The following ZBTB40 variants were observed in gnomAD, a reference collection of about 807,000 sequenced individuals.
The protein encoded by ZBTB40 is zinc finger and BTB domain containing 40.
A neutral mutation model predicts 117.5 loss-of-function variants in ZBTB40; 60 were observed. The ratio of observed to expected loss-of-function variants is 0.51; its 90% CI spans 0.41 to 0.63. The LOEUF (loss-of-function observed/expected upper bound fraction) is 0.63, where lower values mean the gene tolerates loss of function less well. Ranked by LOEUF, ZBTB40 falls within the 30% of genes least tolerant of loss-of-function variation. ZBTB40 has a pLI of 0.00. For missense variants in ZBTB40, 1,287 were observed against 1,498.5 expected (o/e 0.86, Z 2.33); for synonymous variants, 525 against 577.1 (o/e 0.91, Z 1.29).
At chr1:22,453,894 G>A (rs1325606717) in intron 1 of ZBTB40, among the ~76,000 whole-genome samples, 1 of 152,144 alleles carries the variant, frequency 6.6e-6, no homozygotes, top group Non-Finnish European at 1.5e-5. Flanking sequence ...GTGTTTGCAG[G>A]TAAATACCAA....
chr1:22,459,099 A>G (rs910371840), intron 1 of ZBTB40, among the ~76,000 whole-genome samples: 1 of 152,248 alleles, frequency 6.6e-6, no homozygotes. Context: ...TATGAGATAA[A>G]GGATATATCA....
chr1:22,436,307 C>T (rs1000834475), intron 1 of ZBTB40, among the ~76,000 whole-genome samples: 29 of 151,994 alleles, frequency 1.9e-4, no homozygotes, highest in African/African-American at 5.8e-4. Context: ...GTCAGGAGGT[C>T]GAGACCATCC....
rs1196484344 is a variant in ZBTB40 at position 22,508,740 on chromosome 1, C to T, written c.1699+9C>T. Reference sequence around the variant, plus strand: ...TGCTTTCTTCCGGGCAGGTAAGTTACCTGCCCTCTGGGGGGGTTTTGCCCC... The same window carrying T: ...TGCTTTCTTCCGGGCAGGTAAGTTATCTGCCCTCTGGGGGGGTTTTGCCCC... On this transcript the variant is annotated intron_variant, in intron 8 of 17. Transcript: ENST00000375647. 2 of 1,612,716 alleles carry T rather than the reference C, an allele frequency of 1.2e-6. No homozygotes were observed. Among genetic ancestry groups the T allele is most frequent in the Non-Finnish European group, 1.7e-6 (2 of 1,179,888 alleles).
chr1:22,475,329 A>G (rs1641527719), intron 1 of ZBTB40, among the ~76,000 whole-genome samples: 1 of 152,254 alleles, frequency 6.6e-6, no homozygotes, highest in Middle Eastern at 3.4e-3. Context: ...TCCTCTGGCT[A>G]TTGTCTGGAC....
chr1:22,506,141 G>C lies in ZBTB40; in HGVS notation c.1260G>C (p.Glu420Asp), dbSNP rs1250003989. ...RMTEEKTLTA[E>D]GLVKLLQAVK... is the part of the protein sequence containing the mutation. ...CTGAAGAGAAGACGCTGACTGCTGAGGGTTTGGTAAAACTCCTCCAGGCTG... is the reference window on the plus strand; with the variant it reads ...CTGAAGAGAAGACGCTGACTGCTGACGGTTTGGTAAAACTCCTCCAGGCTG... The change falls in exon 6 of 18, where the codon GAG (glutamate) becomes GAC (aspartate). Residue 420 changes from glutamate (E) to aspartate (D), a missense_variant. By Grantham distance (45) the Glu-to-Asp change is conservative. Around this residue, in one of 2 missense-constraint regions of ZBTB40, gnomAD observed 870 missense variants for 934.4 expected, o/e 0.93. Coordinates refer to ENST00000375647, the MANE Select transcript of ZBTB40 (RefSeq NM_014870.4). 1 of 1,614,160 alleles carries C rather than the reference G, an allele frequency of 6.2e-7. No individual in the cohort carries two copies. Among genetic ancestry groups the C allele is most frequent in the South Asian group, 1.1e-5 (1 of 91,078 alleles).
At chr1:22,431,245 C>CATATACAATATTGTATATATTCAAT (rs1640576929) in intron 1 of ZBTB40, among the ~76,000 whole-genome samples, 5 of 90,794 alleles carry the variant, frequency 5.5e-5, no homozygotes, top group African/African-American at 3.7e-4. Context: ...ATATAGTATG[C>CATATACAATATTGTATATATTCAAT]ATATACAATA....
At position 22,520,251 on chromosome 1, in the gene ZBTB40, C is replaced by T. The variant is rs754894659; in HGVS notation, c.3024C>T (p.Cys1008=). Residue 1008 remains cysteine (C), a synonymous_variant, in exon 14 of 18, where the codon TGC becomes TGT. Transcript: ENST00000375647. ...ACGTTGGAGGGAAGCCCTTCAGCTG[C>T]GGGATCTGCAACAAGGCCTACCAGG... ...VTHVGGKPFS[C]GICNKAYQQL... 32 of 1,612,580 alleles carry T rather than the reference C, an allele frequency of 2.0e-5. No individual in the cohort carries two copies. In the African/African-American group the frequency reaches 2.1e-4, roughly 11 times the overall value.
chr1:22,446,859 T>C (rs1025751689), upstream of ZBTB40, among the ~76,000 whole-genome samples: 3 of 152,082 alleles, frequency 2.0e-5, no homozygotes, highest in South Asian at 6.2e-4. Flanking sequence ...CCCCAGTACG[T>C]TGGGAGGCTG....
chr1:22,434,202 C>A (rs1272355624), intron 1 of ZBTB40, among the ~76,000 whole-genome samples: 1 of 152,118 alleles, frequency 6.6e-6, no homozygotes, highest in Non-Finnish European at 1.5e-5. Flanking sequence ...ATGAATTAAT[C>A]GAGCATCTTT....
At chr1:22,506,335 A>G (rs1639075747) in intron 6 of ZBTB40, 94 bp downstream of exon 6, 3 of 1,257,972 alleles carry the variant, frequency 2.4e-6, no homozygotes, top group South Asian at 1.2e-5. Flanking sequence ...GGGAGATAAG[A>G]TTATGTTAAG....
intron 12 of ZBTB40, among the ~76,000 whole-genome samples, chr1:22,516,911 T>C (rs567462082): frequency 6.6e-6 from 1 of 151,918 alleles, no homozygotes; most frequent in South Asian, 2.1e-4. Context: ...CTCACCTTTG[T>C]GCACAGTTGC....
intron 1 of ZBTB40, among the ~76,000 whole-genome samples, chr1:22,488,264 G>A (rs1638528781): frequency 1.3e-5 from 2 of 152,212 alleles, no homozygotes; most frequent in African/African-American, 4.8e-5. Flanking sequence ...ATAAAATTAA[G>A]TTCTTACCCT....
intron 14 of ZBTB40, among the ~76,000 whole-genome samples, chr1:22,521,162 A>T (rs1344063116): frequency 6.6e-6 from 1 of 152,226 alleles, no homozygotes; most frequent in Non-Finnish European, 1.5e-5. Context: ...CTATCTCCTG[A>T]TGTTATGATT....
intron 1 of ZBTB40, among the ~76,000 whole-genome samples, chr1:22,470,440 C>G (rs565525625): frequency 6.6e-6 from 1 of 152,154 alleles, no homozygotes; most frequent in African/African-American, 2.4e-5. Flanking sequence ...TCTGCCACAG[C>G]CAGTGTATGG....
intron 1 of ZBTB40, among the ~76,000 whole-genome samples, chr1:22,459,350 T>G (rs995481798): frequency 6.6e-5 from 10 of 152,236 alleles, no homozygotes; most frequent in African/African-American, 2.2e-4. Flanking sequence ...TTAAAAAACA[T>G]TTAAGACTCT....
At chr1:22,506,966 C>T (rs1023340760) in intron 6 of ZBTB40, among the ~76,000 whole-genome samples, 6 of 152,022 alleles carry the variant, frequency 3.9e-5, no homozygotes, top group Non-Finnish European at 7.4e-5. Context: ...TTATGGTTTC[C>T]CCATGTAACA....
chr1:22,448,576 C>A (rs1358411615), upstream of ZBTB40, among the ~76,000 whole-genome samples: 1 of 152,082 alleles, frequency 6.6e-6, no homozygotes, highest in Non-Finnish European at 1.5e-5. Context: ...TAGGTTTAAA[C>A]CCTAACTCTA....
chr1:22,434,565 C>T (rs1244096122), intron 1 of ZBTB40, among the ~76,000 whole-genome samples: 2 of 152,038 alleles, frequency 1.3e-5, no homozygotes, highest in East Asian at 3.8e-4. Flanking sequence ...AATTTTTTAG[C>T]TTTAAGTCTT....
At chr1:22,443,611 T>C (rs1325066253) in intron 1 of ZBTB40, among the ~76,000 whole-genome samples, 1 of 152,198 alleles carries the variant, frequency 6.6e-6, no homozygotes. Context: ...TTTCGGATCT[T>C]AAAAGGTGTC....
Sources: allele counts gnomAD v4.1 joint callset (sites outside exome capture counted in the v4.1 genomes callset), GRCh38; gene constraint gnomAD v4.1.1; regional missense constraint gnomAD v4.1.1; transcripts MANE v1.5; gene names NCBI Gene and HGNC (gene_info 2026-07-23, HGNC 2026-07-21).